Variants in PCCA observed in about 807,000 individuals in gnomAD.
PCCA encodes the protein propionyl-CoA carboxylase alpha chain, mitochondrial.
PCCA carries 74 observed loss-of-function variants against 101.3 expected under a neutral mutation model. That is an observed-to-expected ratio of 0.73 (90% CI 0.61 to 0.89). The LOEUF is 0.89. PCCA is among the 40% of genes least tolerant of loss of function. PCCA has a pLI of 0.00. For missense variants in PCCA, 891 were observed against 907.0 expected, an observed-to-expected ratio of 0.98 and a Z score of 0.23; for synonymous variants, 294 against 313.6, an observed-to-expected ratio of 0.94 and a Z score of 0.66.
At chr13:100,419,945 G>T (rs912591954) in intron 19 of PCCA, among the ~76,000 whole-genome samples, 1 of 152,194 alleles carries the variant, frequency 6.6e-6, no homozygotes, top group Admixed American at 6.5e-5. Context: ...CATTAGCATG[G>T]CTGCTAAACA....
At chr13:100,508,345 C>G (rs550121677) in intron 21 of PCCA, among the ~76,000 whole-genome samples, 3 of 152,168 alleles carry the variant, frequency 2.0e-5, no homozygotes, top group African/African-American at 4.8e-5. Context: ...ATTTTTCCCT[C>G]GAAAAATGAG....
intron 12 of PCCA, among the ~76,000 whole-genome samples, chr13:100,282,821 C>T (rs1159580418): frequency 1.3e-5 from 2 of 152,058 alleles, no homozygotes; most frequent in Non-Finnish European, 2.9e-5. Context: ...AATTTACATC[C>T]CACAGGAGGA....
intron 17 of PCCA, among the ~76,000 whole-genome samples, chr13:100,331,036 A>G (rs2069482086): frequency 6.6e-6 from 1 of 152,202 alleles, no homozygotes; most frequent in Non-Finnish European, 1.5e-5. Flanking sequence ...AGTGATTTTT[A>G]AGAGATATAT....
At chr13:100,407,165 C>T (rs1285805666) in intron 19 of PCCA, among the ~76,000 whole-genome samples, 1 of 152,182 alleles carries the variant, frequency 6.6e-6, no homozygotes, top group Non-Finnish European at 1.5e-5. Context: ...TTAGAAATCC[C>T]ATACAATTTG....
intron 18 of PCCA, among the ~76,000 whole-genome samples, chr13:100,361,449 T>A (rs1342748401): frequency 1.3e-5 from 2 of 148,602 alleles, no homozygotes; most frequent in African/African-American, 4.9e-5. Context: ...AATGTCTTTT[T>A]TTTTTTTTTT....
intron 21 of PCCA, among the ~76,000 whole-genome samples, chr13:100,483,254 G>GAAA (rs796889153): frequency 5.6e-5 from 8 of 143,784 alleles, no homozygotes; most frequent in Non-Finnish European, 1.2e-4. Flanking sequence ...GCCTTTCAGG[G>GAAA]AAAAAAAAAA....
chr13:100,304,016 T>G (rs771244588), intron 14 of PCCA, among the ~76,000 whole-genome samples: 20 of 152,374 alleles, frequency 1.3e-4, no homozygotes, highest in Non-Finnish European at 2.5e-4. Flanking sequence ...CTCTAGTTGT[T>G]AGAAGTTTTC....
chr13:100,234,909 ACACACC>A lies in PCCA; in HGVS notation c.601-931_601-926del, dbSNP rs1351063641. 5.9e-4 allele frequency among the ~76,000 whole-genome samples: 90 copies of A among 151,870 alleles called. 1 individual carries two copies. Among genetic ancestry groups the A allele is most frequent in the Non-Finnish European group, 2.8e-4 (19 of 67,988 alleles). On this transcript the variant is annotated intron_variant, in intron 7 of 23. Transcript: ENST00000376285. ...ATTACACAAACACACACACACACAC[ACACACC>A]CCACACATACCCACACACACGAAGG...
chr13:100,187,087 C>T (rs1230834835), intron 6 of PCCA, among the ~76,000 whole-genome samples: 1 of 152,170 alleles, frequency 6.6e-6, no homozygotes, highest in Non-Finnish European at 1.5e-5. Flanking sequence ...TCCAGGGACT[C>T]ACTCCTGCAA....
intron 21 of PCCA, among the ~76,000 whole-genome samples, chr13:100,492,576 A>G (rs1284516211): frequency 1.3e-5 from 2 of 151,812 alleles, no homozygotes; most frequent in African/African-American, 4.8e-5. Context: ...AATACTGGGT[A>G]GAAGAGGGTG....
chr13:100,264,930 G>A (rs544296585), intron 10 of PCCA, among the ~76,000 whole-genome samples: 2 of 152,312 alleles, frequency 1.3e-5, no homozygotes, highest in South Asian at 2.1e-4. Context: ...TTTCCTGGAT[G>A]AGTAATGATG....
intron 22 of PCCA, among the ~76,000 whole-genome samples, chr13:100,516,935 G>GT (rs1296861531): frequency 1.3e-5 from 2 of 151,742 alleles, no homozygotes; most frequent in South Asian, 2.1e-4. Context: ...TAAGGGTTTT[G>GT]TTTTGTTTTT....
At chr13:100,399,601 G>A (rs749824657) in intron 19 of PCCA, among the ~76,000 whole-genome samples, 5 of 152,130 alleles carry the variant, frequency 3.3e-5, no homozygotes, top group African/African-American at 4.8e-5. Flanking sequence ...ATCTAGCATC[G>A]CAATTGACAC....
intron 12 of PCCA, among the ~76,000 whole-genome samples, chr13:100,287,817 G>T (rs200939552): frequency 2.3e-3 from 344 of 151,938 alleles, no homozygotes; most frequent in African/African-American, 6.0e-3. Flanking sequence ...AAGTTAGGGG[G>T]TTTTTTTAAT....
At chr13:100,265,373 C>T (rs1011822943) in intron 10 of PCCA, among the ~76,000 whole-genome samples, 1 of 152,064 alleles carries the variant, frequency 6.6e-6, no homozygotes, top group African/African-American at 2.4e-5. Flanking sequence ...ATTGCAGTGA[C>T]CTTTTGTTGC....
intron 12 of PCCA, among the ~76,000 whole-genome samples, chr13:100,288,124 A>G (rs1188193453): frequency 6.6e-6 from 1 of 152,196 alleles, no homozygotes; most frequent in Non-Finnish European, 1.5e-5. Flanking sequence ...TCATAATTTT[A>G]AAAACGAACT....
intron 6 of PCCA, chr13:100,198,300 C>T (rs1458015527): frequency 2.0e-5 from 3 of 152,238 alleles, no homozygotes; most frequent in Admixed American, 2.0e-4. Context: ...GCACTCATGG[C>T]AATGGGAACA....
At chr13:100,208,065 A>T (rs2058977109) in intron 6 of PCCA, among the ~76,000 whole-genome samples, 1 of 152,042 alleles carries the variant, frequency 6.6e-6, no homozygotes, top group South Asian at 2.1e-4. Flanking sequence ...AATAACCCCT[A>T]TACCTCTATA....
chr13:100,348,732 CTTTCTTTCTTTCTTTCTTTCTTTCTTT>C (rs1566975601), intron 18 of PCCA, among the ~76,000 whole-genome samples: 92 of 100,578 alleles, frequency 9.1e-4, no homozygotes, highest in African/African-American at 3.6e-3. Flanking sequence ...TTTTTCCTTT[CTTTCTTTCTTTCTTTCTTTCTTTCTTT>C]CTTTCTTTCT....
Sources: gnomAD v4.1 joint callset for allele counts (sites outside exome capture counted in the v4.1 genomes callset) on GRCh38, gnomAD v4.1.1 for gene constraint, MANE v1.5 for transcripts, NCBI Gene and HGNC (gene_info 2026-07-23, HGNC 2026-07-21) for gene names.